Variants in KCNMA1 observed in about 807,000 individuals in gnomAD.
KCNMA1 encodes potassium calcium-activated channel subfamily M alpha 1, also known as Calcium-activated potassium channel subunit alpha-1.
KCNMA1 carries 29 observed loss-of-function variants against 140.0 expected under a neutral mutation model. The ratio of observed to expected loss-of-function variants is 0.21; its 90% confidence interval spans 0.15 to 0.28. The LOEUF (loss-of-function observed/expected upper bound fraction) is 0.28. Among genes scored for constraint, KCNMA1 ranks in the 10% least tolerant of loss-of-function variants. The pLI, the probability that KCNMA1 is intolerant of heterozygous loss-of-function variation, is 1.00. For synonymous variants in KCNMA1, 612 were observed against 611.9 expected (o/e 1.00, Z 0.00); for missense variants, 880 against 1,602.2 (o/e 0.55, Z 7.70).
chr10:77,190,458 C>T (rs927108543), intron 3 of KCNMA1, among the ~76,000 whole-genome samples: 4 of 152,166 alleles, frequency 2.6e-5, no homozygotes, highest in African/African-American at 9.7e-5. Context: ...TAGCCTTGTG[C>T]CATACCACTT....
intron 27 of KCNMA1, among the ~76,000 whole-genome samples, chr10:76,888,768 A>C (rs565397270): frequency 9.1e-4 from 138 of 152,374 alleles, no homozygotes; most frequent in African/African-American, 3.2e-3. Context: ...ATGGCAGAAG[A>C]ACCACTTATC....
chr10:77,119,558 T>C (rs1251987484), intron 6 of KCNMA1, among the ~76,000 whole-genome samples: 2 of 152,216 alleles, frequency 1.3e-5, no homozygotes, highest in Non-Finnish European at 2.9e-5. Context: ...ATTGGCGAGA[T>C]GCTAGCTTCA....
intron 15 of KCNMA1, among the ~76,000 whole-genome samples, chr10:77,033,614 T>A (rs1449602417): frequency 6.6e-6 from 1 of 152,154 alleles, no homozygotes; most frequent in Non-Finnish European, 1.5e-5. Context: ...AAACATAATA[T>A]GAAAGAAAAA....
intron 2 of KCNMA1, among the ~76,000 whole-genome samples, chr10:77,279,578 G>C (rs2067760035): frequency 6.6e-6 from 1 of 152,102 alleles, no homozygotes; most frequent in Non-Finnish European, 1.5e-5. Flanking sequence ...ACACAGCAAG[G>C]GTGTGATGAT....
intron 1 of KCNMA1, among the ~76,000 whole-genome samples, chr10:77,511,764 G>A (rs188128359): frequency 7.0e-4 from 107 of 152,302 alleles, no homozygotes; most frequent in African/African-American, 2.5e-3. Context: ...AGTCGTCCCT[G>A]TCATGGGCGA....
chr10:77,190,713 G>A (rs1250125423), intron 3 of KCNMA1, among the ~76,000 whole-genome samples: 3 of 152,182 alleles, frequency 2.0e-5, no homozygotes, highest in Non-Finnish European at 4.4e-5. Context: ...GCTCTGTAGA[G>A]ACTGTCATGT....
intron 22 of KCNMA1, among the ~76,000 whole-genome samples, chr10:76,948,254 C>T (rs1357276570): frequency 2.6e-5 from 4 of 152,168 alleles, no homozygotes; most frequent in Non-Finnish European, 5.9e-5. Flanking sequence ...GGTCCTCCCG[C>T]CTCAGCATCC....
intron 1 of KCNMA1, among the ~76,000 whole-genome samples, chr10:77,425,234 T>G (rs536171756): frequency 1.3e-5 from 2 of 152,310 alleles, no homozygotes; most frequent in Non-Finnish European, 2.9e-5. Flanking sequence ...CCCGATTTAT[T>G]TAACATTGTA....
chr10:77,217,219 C>T (rs544164713), intron 3 of KCNMA1, among the ~76,000 whole-genome samples: 82 of 151,630 alleles, frequency 5.4e-4, no homozygotes, highest in Non-Finnish European at 9.6e-4. Flanking sequence ...GCAGGAGAAT[C>T]GCTTGAACCT....
intron 3 of KCNMA1, among the ~76,000 whole-genome samples, chr10:77,185,683 A>G (rs2098844053): frequency 6.6e-6 from 1 of 151,696 alleles, no homozygotes; most frequent in Admixed American, 6.6e-5. Flanking sequence ...CTCTACTTCA[A>G]GAGTCGCCAG....
intron 5 of KCNMA1, among the ~76,000 whole-genome samples, chr10:77,180,319 G>C (rs1374546088): frequency 6.6e-6 from 1 of 152,148 alleles, no homozygotes; most frequent in Non-Finnish European, 1.5e-5. Flanking sequence ...TTGGTACAAT[G>C]GTTGTTTCAC....
intron 19 of KCNMA1, among the ~76,000 whole-genome samples, chr10:76,994,593 C>A (rs971165259): frequency 6.6e-6 from 1 of 152,150 alleles, no homozygotes; most frequent in African/African-American, 2.4e-5. Context: ...ATGATGCTAG[C>A]CTCAAAAGAG....
intron 1 of KCNMA1, among the ~76,000 whole-genome samples, chr10:77,573,473 A>G (rs2072525502): frequency 6.6e-6 from 1 of 152,178 alleles, no homozygotes; most frequent in South Asian, 2.1e-4. Context: ...GAGAAGCATA[A>G]TATGAGGCAA....
At chr10:77,333,735 T>G (rs944678683) in intron 2 of KCNMA1, among the ~76,000 whole-genome samples, 1 of 152,228 alleles carries the variant, frequency 6.6e-6, no homozygotes, top group Non-Finnish European at 1.5e-5. Flanking sequence ...TCAGATGAGA[T>G]GCACTTGTGT....
chr10:77,308,797 T>C (rs75464667), intron 2 of KCNMA1, among the ~76,000 whole-genome samples: 1 of 152,178 alleles, frequency 6.6e-6, no homozygotes, highest in African/African-American at 2.4e-5. Flanking sequence ...GTGGGCCATA[T>C]TCCCCTGAGA....
chr10:77,372,568 G>A (rs1354207488), intron 2 of KCNMA1, among the ~76,000 whole-genome samples: 1 of 152,142 alleles, frequency 6.6e-6, no homozygotes, highest in Non-Finnish European at 1.5e-5. Context: ...GCCTGCCACA[G>A]CCATTGCCAA....
chr10:77,268,339 C>T (rs997000508), intron 2 of KCNMA1, among the ~76,000 whole-genome samples: 3 of 152,202 alleles, frequency 2.0e-5, no homozygotes, highest in African/African-American at 4.8e-5. Context: ...CTAAAACACA[C>T]ACACACAGAC....
At chr10:77,382,982 G>GTA (rs1697557016) in intron 2 of KCNMA1, among the ~76,000 whole-genome samples, 3 of 75,364 alleles carry the variant, frequency 4.0e-5, no homozygotes, top group Admixed American at 1.7e-4. Flanking sequence ...GTGTGTGTGT[G>GTA]TGTGTGTGTG....
intron 1 of KCNMA1, among the ~76,000 whole-genome samples, chr10:77,568,775 GA>G (rs1187661151): frequency 6.0e-5 from 9 of 151,180 alleles, no homozygotes; most frequent in Admixed American, 2.0e-4. Context: ...TATTCAATTA[GA>G]AAAAGAGGAA....
Sources: allele counts gnomAD v4.1 joint callset (sites outside exome capture counted in the v4.1 genomes callset), GRCh38; gene constraint gnomAD v4.1.1; transcripts MANE v1.5; gene names NCBI Gene and HGNC (gene_info 2026-07-23, HGNC 2026-07-21).